The following LARS1 variants were observed in gnomAD, a reference collection of about 807,000 sequenced individuals.
The protein encoded by LARS1 is leucyl-tRNA synthetase 1.
Under a neutral mutation model 162.8 loss-of-function variants are expected in LARS1, and 100 were observed. That is an observed-to-expected ratio of 0.61 (90% CI 0.52 to 0.73). LARS1 has a LOEUF of 0.73. Ranked by LOEUF, LARS1 falls within the 30% of genes least tolerant of loss-of-function variation. The pLI is 0.00. For missense variants in LARS1, 1,258 were observed against 1,408.9 expected, an observed-to-expected ratio of 0.89 and a Z score of 1.71; for synonymous variants, 457 against 462.8, an observed-to-expected ratio of 0.99 and a Z score of 0.16.
At chr5:146,174,557 T>A (rs1754454545) in intron 2 of LARS1, among the ~76,000 whole-genome samples, 1 of 86,498 alleles carries the variant, frequency 1.2e-5, no homozygotes, top group African/African-American at 3.8e-5. Context: ...TATATATCCA[T>A]ATATATATAT....
At chr5:146,182,310 G>A (rs753465292) in intron 1 of LARS1, 178 bp downstream of exon 1, 3 of 738,446 alleles carry the variant, frequency 4.1e-6, no homozygotes, top group South Asian at 3.2e-5. Context: ...AAAGTTAACA[G>A]ACATCAGTTC....
At chr5:146,138,773 GT>G in intron 21 of LARS1, 1 of 171,210 alleles carries the variant, frequency 5.8e-6, no homozygotes, top group Non-Finnish European at 1.3e-5. Context: ...ATTTGAAGGT[GT>G]TTATGCTCAA....
intron 6 of LARS1, among the ~76,000 whole-genome samples, chr5:146,162,245 T>G (rs912722966): frequency 6.6e-6 from 1 of 152,218 alleles, no homozygotes; most frequent in East Asian, 1.9e-4. Flanking sequence ...TGTTATAGCC[T>G]TATAAAATGT....
intron 29 of LARS1, among the ~76,000 whole-genome samples, chr5:146,123,123 C>A (rs926681223): frequency 6.6e-6 from 1 of 151,978 alleles, no homozygotes; most frequent in Non-Finnish European, 1.5e-5. Context: ...TTATTAATTT[C>A]ATTAACTCAT....
chr5:146,140,904 T>C (rs1050166845), intron 20 of LARS1, among the ~76,000 whole-genome samples: 5 of 152,066 alleles, frequency 3.3e-5, no homozygotes, highest in Admixed American at 6.6e-5. Flanking sequence ...TACACATATA[T>C]ACACACATAT....
At chr5:146,155,977 T>C (rs1317955762) in intron 10 of LARS1, among the ~76,000 whole-genome samples, 6 of 152,188 alleles carry the variant, frequency 3.9e-5, no homozygotes, top group Admixed American at 3.9e-4. Flanking sequence ...TGAAATACTA[T>C]GTAGCTATAA....
intron 31 of LARS1, among the ~76,000 whole-genome samples, chr5:146,114,775 G>A (rs1764124626): frequency 6.6e-6 from 1 of 152,042 alleles, no homozygotes; most frequent in Non-Finnish European, 1.5e-5. Flanking sequence ...GCCGGGCATG[G>A]TGGCTCATGC....
At position 146,128,676 on chromosome 5, in the gene LARS1, A is replaced by G; in HGVS notation, c.2876T>C (p.Phe959Ser). The change falls in exon 27 of 32, where the codon TTT becomes TCT. Residue 959 changes from phenylalanine to serine, a missense_variant. Transcript: ENST00000394434. The part of the protein sequence containing the change: ...HTTLSVLRKH[F>S]EANNGKLPDN... The stretch of plus-strand genomic sequence containing the variant: ...AAAGTCTACTGAGAGCATCACCTCA[A>G]AGTGTTTACGTAGAACAGACAGGGT... The G allele has an allele frequency of 6.4e-7, 1 of 1,565,752 alleles. No individual in the cohort carries two copies. Among genetic ancestry groups the G allele is most frequent in the Non-Finnish European group, 8.6e-7 (1 of 1,163,592 alleles).
chr5:146,117,139 A>G (rs775867568), intron 31 of LARS1, among the ~76,000 whole-genome samples: 2 of 152,214 alleles, frequency 1.3e-5, no homozygotes, highest in African/African-American at 2.4e-5. Context: ...AAAGGAGATA[A>G]GAATTATGCC....
intron 1 of LARS1, among the ~76,000 whole-genome samples, chr5:146,181,382 A>G (rs201004977): frequency 7.0e-6 from 1 of 143,512 alleles, no homozygotes; most frequent in East Asian, 2.0e-4. Flanking sequence ...AACAAAAAAC[A>G]AAAAAAAATA....
At chr5:146,178,251 T>C (rs552517768) in intron 1 of LARS1, among the ~76,000 whole-genome samples, 95 of 152,294 alleles carry the variant, frequency 6.2e-4, no homozygotes, top group African/African-American at 2.2e-3. Context: ...TTAATTAAAA[T>C]ACATGAATAT....
rs1432077451 is a variant in LARS1 at position 146,124,023 on chromosome 5, C to G, written c.3055G>C (p.Val1019Leu). Residue 1019 changes from valine (V) to leucine (L), a missense_variant, in exon 29 of 32, where the codon GTG becomes CTG. Transcript: ENST00000394434. ...DLQLEFDEKA[V>L]LMENIVYLTN... Reference sequence around the variant, plus strand: ...AGATAGACTATATTCTCCATAAGCACAGCCTTTTCATCAAATTCTAATTGC... The same window carrying G: ...AGATAGACTATATTCTCCATAAGCAGAGCCTTTTCATCAAATTCTAATTGC... 4 of 1,610,678 alleles carry G rather than the reference C, an allele frequency of 2.5e-6. No individual in the cohort carries two copies. The highest frequency in any genetic ancestry group is 3.4e-6 in the Non-Finnish European group (4 of 1,177,820).
At chr5:146,173,025 T>C (rs1754346913) in intron 2 of LARS1, among the ~76,000 whole-genome samples, 1 of 151,956 alleles carries the variant, frequency 6.6e-6, no homozygotes, top group South Asian at 2.1e-4. Context: ...ATACTAGAGG[T>C]TTAATTTGAG....
chr5:146,181,686 C>G (rs1476733299), intron 1 of LARS1, among the ~76,000 whole-genome samples: 4 of 151,730 alleles, frequency 2.6e-5, no homozygotes, highest in African/African-American at 9.7e-5. Context: ...TGCAACTGTA[C>G]TACCCCACCG....
rs758363727 is a variant in LARS1 at position 146,143,534 on chromosome 5, C to G, written c.1755G>C (p.Trp585Cys). The change falls in exon 19 of 32, where the codon TGG becomes TGC. Residue 585 changes from tryptophan to cysteine, a missense_variant. Physicochemically the swap from Trp to Cys is radical, Grantham distance 215. Transcript: ENST00000394434. ...RTYGLGTHLP[W>C]DEQWLIESLS... ...GTGATTCAATCAGCCACTGCTCATCCCAAGGCAGGTGAGTGCCTGAAAAAT... is the reference window on the plus strand; with the variant it reads ...GTGATTCAATCAGCCACTGCTCATCGCAAGGCAGGTGAGTGCCTGAAAAAT... The G allele has an allele frequency of 3.7e-6, 6 of 1,613,560 alleles. No homozygotes were observed. Among genetic ancestry groups the G allele is most frequent in the Non-Finnish European group, 5.1e-6 (6 of 1,179,650 alleles).
chr5:146,150,712 C>T (rs1182295208), intron 14 of LARS1, among the ~76,000 whole-genome samples: 1 of 151,258 alleles, frequency 6.6e-6, no homozygotes, highest in Non-Finnish European at 1.5e-5. Flanking sequence ...CCAAGGTGGG[C>T]AGATCACTTG....
intron 21 of LARS1, chr5:146,137,693 G>C (rs955297546): frequency 5.1e-6 from 1 of 195,492 alleles, no homozygotes; most frequent in Non-Finnish European, 1.1e-5. Context: ...AAGAAAAATA[G>C]CTCTTCCCAT....
chr5:146,162,882 C>A (rs924836389), intron 6 of LARS1, among the ~76,000 whole-genome samples: 4 of 152,222 alleles, frequency 2.6e-5, no homozygotes, highest in Non-Finnish European at 5.9e-5. Flanking sequence ...ATGGCGCAGC[C>A]TCAGCTCACT....
chr5:146,151,611 T>C (rs543479098), intron 14 of LARS1, among the ~76,000 whole-genome samples: 22 of 152,340 alleles, frequency 1.4e-4, no homozygotes, highest in African/African-American at 5.1e-4. Context: ...TAATTTGAAA[T>C]ATCTTGTCAA....
Sources: allele counts gnomAD v4.1 joint callset (sites outside exome capture counted in the v4.1 genomes callset), GRCh38; gene constraint gnomAD v4.1.1; transcripts MANE v1.5; gene names NCBI Gene and HGNC (gene_info 2026-07-23, HGNC 2026-07-21).